NUCKS1: variants seen among roughly 807,000 people sequenced by gnomAD.
The protein encoded by NUCKS1 is nuclear ubiquitous casein and cyclin-dependent kinase substrate 1.
Under a neutral mutation model 33.0 loss-of-function variants are expected in NUCKS1, and 2 were observed. The ratio of observed to expected loss-of-function variants is 0.06; its 90% CI spans 0.02 to 0.19. The LOEUF is 0.19. Among genes scored for constraint, NUCKS1 ranks in the 10% least tolerant of loss-of-function variants. NUCKS1 has a pLI of 1.00. For synonymous variants in NUCKS1, 106 were observed against 102.8 expected (o/e 1.03, Z -0.19); for missense variants, 201 against 293.6 (o/e 0.68, Z 2.31).
At chr1:205,736,983 T>A (rs1654049652) in intron 1 of NUCKS1, among the ~76,000 whole-genome samples, 1 of 152,164 alleles carries the variant, frequency 6.6e-6, no homozygotes, top group Non-Finnish European at 1.5e-5. Context: ...TCCTTAAATT[T>A]ATATGACTAT....
chr1:205,748,639 G>T (rs1190958471), intron 1 of NUCKS1, among the ~76,000 whole-genome samples: 2 of 152,170 alleles, frequency 1.3e-5, no homozygotes, highest in Non-Finnish European at 1.5e-5. Flanking sequence ...GTAGGAGTAC[G>T]CAGTCTCATA....
In NUCKS1 at chr1:205,721,108, G is replaced by A. The variant is rs187500478; in HGVS notation, c.230-455C>T. 2.3e-3 allele frequency among the ~76,000 whole-genome samples: 344 copies of A among 151,712 alleles called. 3 individuals are homozygous for A. The highest frequency in any genetic ancestry group is 7.8e-3 in the African/African-American group (324 of 41,350). On this transcript the variant is annotated intron_variant, in intron 4 of 6. Coordinates refer to ENST00000367142, the MANE Select transcript of NUCKS1 (RefSeq NM_022731.5). ...GGGAACAACACACACTGGGGCCTGT[G>A]GCGAGGGAGGGGGCAGGGTGGGGGG...
rs1426976156 is a variant in NUCKS1, at chr1:205,715,588, G to T, written c.*2692C>A. 1 of 152,248 alleles carries T rather than the reference G, an allele frequency of 6.6e-6. No individual in the cohort carries two copies. 9.4% of individuals were successfully genotyped at this position (152,248 alleles called of 1,614,324 possible). On this transcript the variant is annotated 3_prime_UTR_variant, in exon 7 of 7. Transcript: ENST00000367142. ...AGTATGCTACGTATGTCTAGCTGGG[G>T]AAGGGGGGATCTGGAAAAAAAATCT...
Position 205,723,950 on chromosome 1 carries a change from T to C in NUCKS1, c.205A>G (p.Lys69Glu). The C allele has an allele frequency of 6.2e-7, 1 of 1,612,208 alleles. No individual in the cohort carries two copies. The highest frequency in any genetic ancestry group is 8.5e-7 in the Non-Finnish European group (1 of 1,178,572). The change falls in exon 4 of 7, where the codon AAG becomes GAG. Residue 69 changes from lysine (K) to glutamate (E), a missense_variant. Physicochemically the swap from Lys to Glu is moderately conservative, Grantham distance 56 (BLOSUM62 1). Transcript: ENST00000367142. The stretch of plus-strand genomic sequence containing the variant: ...CCTGCTGAGTGAGAATCATCCTTCT[T>C]GGTCTTCACATCTTTGTCTTCTGAG... ...EDSEDKDVKT[K>E]KDDSHSAEDS...
At chr1:205,746,344 C>G (rs1654324512) in intron 1 of NUCKS1, among the ~76,000 whole-genome samples, 1 of 152,068 alleles carries the variant, frequency 6.6e-6, no homozygotes, top group Non-Finnish European at 1.5e-5. Context: ...AATTATGTAT[C>G]TTTGATGGCA....
At chr1:205,741,203 G>A (rs1457556082) in intron 1 of NUCKS1, among the ~76,000 whole-genome samples, 4 of 127,718 alleles carry the variant, frequency 3.1e-5, no homozygotes, top group Non-Finnish European at 7.4e-5. Flanking sequence ...GGGAGGCTGA[G>A]GCAGGAGAAT....
chr1:205,745,625 G>C (rs1422777493), intron 1 of NUCKS1, among the ~76,000 whole-genome samples: 2 of 152,068 alleles, frequency 1.3e-5, no homozygotes, highest in African/African-American at 4.8e-5. Flanking sequence ...TCACCATTGA[G>C]GAGATATTAA....
chr1:205,713,715 T>TG lies in NUCKS1; in HGVS notation c.*4564dup, dbSNP rs1671779649. ...GCAGATTTCAGCACTGTTAAGGTAT[T>TG]GCAAGAATGCCCAACCCTCTGGTGT... is the stretch of plus-strand genomic sequence containing the variant. On this transcript the variant is annotated 3_prime_UTR_variant, in exon 7 of 7. Transcript: ENST00000367142. 1 of 152,250 alleles carries TG rather than the reference T, an allele frequency of 6.6e-6. No individual in the cohort carries two copies. Among genetic ancestry groups the TG allele is most frequent in the Admixed American group, 6.5e-5 (1 of 15,284 alleles). The allele number at this position is 152,250 out of a possible 1,614,324, so 9.4% of individuals were successfully genotyped here.
intron 1 of NUCKS1, among the ~76,000 whole-genome samples, chr1:205,738,840 G>A (rs564236926): frequency 4.2e-4 from 64 of 152,200 alleles, no homozygotes; most frequent in African/African-American, 1.5e-3. Flanking sequence ...CCTGGGAGGC[G>A]GAGGTTGCAG....
At chr1:205,719,878 G>C (rs1474718254) in intron 5 of NUCKS1, among the ~76,000 whole-genome samples, 1 of 152,198 alleles carries the variant, frequency 6.6e-6, no homozygotes, top group Non-Finnish European at 1.5e-5. Context: ...CCTTACATGA[G>C]AGAGTTACAT....
intron 1 of NUCKS1, among the ~76,000 whole-genome samples, chr1:205,746,414 G>C (rs1028633609): frequency 2.7e-5 from 4 of 150,042 alleles, no homozygotes; most frequent in African/African-American, 9.8e-5. Context: ...AAAAAGTATA[G>C]ATCCAAGGTT....
Position 205,717,185 on chromosome 1 carries a change from C to T in NUCKS1, c.*1095G>A. Reference sequence around the variant, plus strand: ...ATATGAAAAAGAAAATGTTCTATCCCCAAATAAAAGCAGAGCATGGTTAAT... The same window carrying T: ...ATATGAAAAAGAAAATGTTCTATCCTCAAATAAAAGCAGAGCATGGTTAAT... On this transcript the variant is annotated 3_prime_UTR_variant, in exon 7 of 7. Transcript: ENST00000367142. The T allele has an allele frequency of 7.6e-6, 3 of 394,632 alleles. No individual in the cohort carries two copies. The highest frequency in any genetic ancestry group is 1.0e-5 in the Non-Finnish European group (3 of 289,738). The allele number at this position is 394,632 out of a possible 1,614,324, so 24.4% of individuals were successfully genotyped here.
In NUCKS1 at chr1:205,717,901, AAT is replaced by A; in HGVS notation, c.*377_*378del. ...ATTTTTTAGCAAAAAGCGAAGTTTC[AAT>A]AGTGTTCATCTCAAATCTTATTGCT... On this transcript the variant is annotated 3_prime_UTR_variant, in exon 7 of 7. Coordinates refer to ENST00000367142, the MANE Select transcript of NUCKS1 (RefSeq NM_022731.5). 1 of 990,640 alleles carries A rather than the reference AAT, an allele frequency of 1.0e-6. No individual in the cohort carries two copies. Among genetic ancestry groups the A allele is most frequent in the Non-Finnish European group, 1.2e-6 (1 of 833,498 alleles). The allele number at this position is 990,640 out of a possible 1,614,324, so 61.4% of individuals were successfully genotyped here.
In NUCKS1 at chr1:205,716,896, C is replaced by T. The variant is rs1671831277; in HGVS notation, c.*1384G>A. 6.6e-6 allele frequency: 1 copy of T among 152,148 alleles called. No homozygotes were observed. Among genetic ancestry groups the T allele is most frequent in the African/African-American group, 2.4e-5 (1 of 41,424 alleles). 9.4% of individuals were successfully genotyped at this position (152,148 alleles called of 1,614,324 possible). ...AAATGCCTTGTTTCTCTAGTCCCTCCTGCTTTAAGCAGCATGAGCAGTAAA... is the reference window on the plus strand; with the variant it reads ...AAATGCCTTGTTTCTCTAGTCCCTCTTGCTTTAAGCAGCATGAGCAGTAAA... On this transcript the variant is annotated 3_prime_UTR_variant, in exon 7 of 7. Transcript: ENST00000367142.
chr1:205,745,061 T>C (rs1231339890), intron 1 of NUCKS1, among the ~76,000 whole-genome samples: 1 of 152,202 alleles, frequency 6.6e-6, no homozygotes, highest in African/African-American at 2.4e-5. Context: ...TTAAACCACA[T>C]ATGGCCCCAA....
rs147721587 is a variant in NUCKS1, at chr1:205,718,334, G to A, written c.678C>T (p.Pro226=). The change falls in exon 7 of 7, where the codon CCC becomes CCT. Residue 226 remains proline (P), a synonymous_variant. Coordinates refer to ENST00000367142, the MANE Select transcript of NUCKS1 (RefSeq NM_022731.5). ...CAGACCCTTCATCCCCAGATTTCTC[G>A]GGTGGGGGGCTTGTAGATGTTTTCT... is the stretch of plus-strand genomic sequence containing the variant. ...PEKKTSTSPP[P]EKSGDEGSED... The A allele has an allele frequency of 1.4e-4, 227 of 1,612,802 alleles. No homozygotes were observed. In the African/African-American group the frequency reaches 2.5e-3, roughly 18 times the overall value.
intron 1 of NUCKS1, among the ~76,000 whole-genome samples, chr1:205,734,159 G>A (rs1653980868): frequency 1.3e-5 from 2 of 151,978 alleles, no homozygotes; most frequent in South Asian, 4.2e-4. Context: ...GATTACAGGT[G>A]TGAGCCACCA....
In NUCKS1 at chr1:205,729,765, T is replaced by C; in HGVS notation, c.18-144A>G. 8 of 689,696 alleles carry C rather than the reference T, an allele frequency of 1.2e-5. No homozygotes were observed. In the South Asian group the frequency reaches 1.2e-4, roughly 10 times the overall value. 42.7% of individuals were successfully genotyped at this position (689,696 alleles called of 1,614,324 possible). On this transcript the variant is annotated intron_variant, in intron 1 of 6. Transcript: ENST00000367142. ...TGCTGGACGTGGTGGCTCACACCTG[T>C]AATCCCAGCACTTTGGGAGGCCAAG...
chr1:205,725,051 A>T (rs993476687), intron 3 of NUCKS1, among the ~76,000 whole-genome samples: 1 of 152,170 alleles, frequency 6.6e-6, no homozygotes, highest in African/African-American at 2.4e-5. Context: ...GTTAATTTCC[A>T]TATTTTTAAA....
Sources: allele counts gnomAD v4.1 joint callset (sites outside exome capture counted in the v4.1 genomes callset), GRCh38; gene constraint gnomAD v4.1.1; transcripts MANE v1.5; gene names NCBI Gene and HGNC (gene_info 2026-07-23, HGNC 2026-07-21).